Variants in RBL1 observed in about 807,000 individuals in gnomAD.
RBL1 encodes RB transcriptional corepressor like 1.
A neutral mutation model predicts 123.0 loss-of-function variants in RBL1; 82 were observed. The ratio of observed to expected loss-of-function variants is 0.67; its 90% confidence interval spans 0.56 to 0.80. RBL1 has a LOEUF of 0.80. Among genes scored for constraint, RBL1 ranks in the 30% least tolerant of loss-of-function variants. The pLI is 0.00. For synonymous variants in RBL1, 405 were observed against 441.3 expected (o/e 0.92, Z 1.03); for missense variants, 1,171 against 1,299.6 (o/e 0.90, Z 1.52).
In RBL1 at chr20:37,018,325, CACA is replaced by C; in HGVS notation, c.2673_2675del (p.Val892del). The C allele has an allele frequency of 1.2e-6, 2 of 1,610,046 alleles. No homozygotes were observed. Among genetic ancestry groups the C allele is most frequent in the Non-Finnish European group, 1.7e-6 (2 of 1,178,622 alleles). Reference sequence around the variant, plus strand: ...CATCATTTATATTTTTATTATATGCCACAACTTCTCTTGGAATACTTTTCAGCA... The same window carrying C: ...CATCATTTATATTTTTATTATATGCCACTTCTCTTGGAATACTTTTCAGCA... On this transcript the variant is annotated inframe_deletion, in exon 19 of 22. Coordinates refer to ENST00000373664, the MANE Select transcript of RBL1 (RefSeq NM_002895.5).
At chr20:37,092,525 C>A (rs769626697) in intron 1 of RBL1, among the ~76,000 whole-genome samples, 11 of 152,206 alleles carry the variant, frequency 7.2e-5, no homozygotes, top group Admixed American at 2.0e-4. Context: ...CATGCCACCA[C>A]ACCCAGCTAA....
chr20:37,060,558 T>C (rs532193742), intron 9 of RBL1, among the ~76,000 whole-genome samples: 1 of 152,092 alleles, frequency 6.6e-6, no homozygotes, highest in South Asian at 2.1e-4. Context: ...GCCGAGGCAG[T>C]TGGATCACTT....
chr20:37,006,869 AC>A lies in RBL1; in HGVS notation c.2871+541del, dbSNP rs1466676117. On this transcript the variant is annotated intron_variant, in intron 20 of 21. Coordinates refer to ENST00000373664, the MANE Select transcript of RBL1 (RefSeq NM_002895.5). ...AAAAAAAAAAAAGAAAACAAAAAAA[AC>A]AAATTAGTTGTTTTAATATTCATGT... is the stretch of plus-strand genomic sequence containing the variant. Among the ~76,000 whole-genome samples, 7 of 151,906 alleles carry A rather than the reference AC, an allele frequency of 4.6e-5. No individual in the cohort carries two copies. The South Asian group carries it at 1.2e-3, about 27-fold the overall frequency.
chr20:37,036,918 C>T (rs1451779212), intron 14 of RBL1, among the ~76,000 whole-genome samples: 37 of 152,172 alleles, frequency 2.4e-4, no homozygotes, highest in Admixed American at 2.4e-3. Context: ...AGCCACTGCG[C>T]CTGGCCCTGT....
intron 14 of RBL1, among the ~76,000 whole-genome samples, chr20:37,039,697 T>C (rs1229145447): frequency 6.6e-6 from 1 of 152,162 alleles, no homozygotes; most frequent in African/African-American, 2.4e-5. Flanking sequence ...ATTAGCAGTG[T>C]GAGAACAGGC....
At chr20:37,045,194 C>T (rs2064801316) in intron 12 of RBL1, among the ~76,000 whole-genome samples, 1 of 151,874 alleles carries the variant, frequency 6.6e-6, no homozygotes, top group African/African-American at 2.4e-5. Flanking sequence ...GCAATCTCTG[C>T]CTCCCAGGTT....
At chr20:37,056,094 G>A (rs377012129) in intron 10 of RBL1, 52 bp downstream of exon 10, 1 of 1,548,464 alleles carries the variant, frequency 6.5e-7, no homozygotes, top group Non-Finnish European at 8.6e-7. Flanking sequence ...TTCTAATTTT[G>A]GGGGGATTAC....
At chr20:37,069,188 C>T in intron 2 of RBL1, among the ~76,000 whole-genome samples, 1 of 152,254 alleles carries the variant, frequency 6.6e-6, no homozygotes, top group Non-Finnish European at 1.5e-5. Context: ...CGGCTCGCTA[C>T]AACCTCCACC....
chr20:37,014,683 G>A (rs946385677), intron 19 of RBL1, among the ~76,000 whole-genome samples: 1 of 151,756 alleles, frequency 6.6e-6, no homozygotes, highest in Non-Finnish European at 1.5e-5. Flanking sequence ...AGAATCACTC[G>A]GGCCTGGGAG....
At chr20:37,068,269 T>C (rs2065216100) in intron 2 of RBL1, 83 bp from the exon 3 acceptor site, 2 of 1,457,992 alleles carry the variant, frequency 1.4e-6, no homozygotes, top group Non-Finnish European at 1.8e-6. Context: ...TATTCATGAC[T>C]AAGACTCTTT....
At chr20:37,005,713 CAG>C (rs1352983475) in intron 20 of RBL1, among the ~76,000 whole-genome samples, 2 of 151,970 alleles carry the variant, frequency 1.3e-5, no homozygotes, top group African/African-American at 4.8e-5. Flanking sequence ...TAGCACATGA[CAG>C]AGGGGAAGTG....
At chr20:37,050,932 C>T (rs1461158869) in intron 11 of RBL1, among the ~76,000 whole-genome samples, 1 of 151,774 alleles carries the variant, frequency 6.6e-6, no homozygotes, top group Non-Finnish European at 1.5e-5. Flanking sequence ...ACAGTGGAAT[C>T]TATAATAGAA....
chr20:37,073,669 G>A (rs1396453249), intron 2 of RBL1, among the ~76,000 whole-genome samples: 1 of 136,964 alleles, frequency 7.3e-6, no homozygotes, highest in East Asian at 2.3e-4. Context: ...CTGAACTCCA[G>A]TCTGGGTGAC....
At chr20:37,071,752 C>T (rs1380197528) in intron 2 of RBL1, among the ~76,000 whole-genome samples, 3 of 152,156 alleles carry the variant, frequency 2.0e-5, no homozygotes, top group Non-Finnish European at 4.4e-5. Flanking sequence ...GTGCTCTCCT[C>T]ATGGTAGTGA....
intron 1 of RBL1, among the ~76,000 whole-genome samples, chr20:37,092,135 C>CTGGAGGCTGAG (rs2065656680): frequency 6.6e-6 from 1 of 151,860 alleles, no homozygotes; most frequent in African/African-American, 2.4e-5. Flanking sequence ...CCCAGCTACT[C>CTGGAGGCTGAG]TGGAGGCTGA....
rs6103494 is a variant in RBL1 at position 37,075,207 on chromosome 20, G to A, written c.291-7021C>T. 3.1e-3 allele frequency among the ~76,000 whole-genome samples: 467 copies of A among 152,280 alleles called. 3 individuals are homozygous for A. The highest frequency in any genetic ancestry group is 0.011 in the African/African-American group (453 of 41,534). ...TCAGTGGCTGCCAAGAGCTGGGTGT[G>A]GGGGTTGGAATACGAAGTGAATGCT... On this transcript the variant is annotated intron_variant, in intron 2 of 21. Coordinates refer to ENST00000373664, the MANE Select transcript of RBL1 (RefSeq NM_002895.5).
intron 21 of RBL1, among the ~76,000 whole-genome samples, chr20:37,000,850 G>C (rs2063963110): frequency 7.1e-6 from 1 of 141,212 alleles, no homozygotes; most frequent in African/African-American, 2.7e-5. Flanking sequence ...CTACTGGGAC[G>C]TGAGGAGCCC....
chr20:37,035,107 A>G, intron 15 of RBL1, 135 bp downstream of exon 15: 1 of 900,856 alleles, frequency 1.1e-6, no homozygotes, highest in East Asian at 2.9e-5. Flanking sequence ...TAAAAAATTC[A>G]AATCTATTTA....
At chr20:37,006,071 GT>G (rs974345395) in intron 20 of RBL1, among the ~76,000 whole-genome samples, 31 of 142,820 alleles carry the variant, frequency 2.2e-4, no homozygotes, top group East Asian at 4.1e-4. Flanking sequence ...CTAGTTTTTA[GT>G]TTTTTTTTTT....
Sources: gnomAD v4.1 joint callset for allele counts (sites outside exome capture counted in the v4.1 genomes callset) on GRCh38, gnomAD v4.1.1 for gene constraint, MANE v1.5 for transcripts, NCBI Gene and HGNC (gene_info 2026-07-23, HGNC 2026-07-21) for gene names.